Variants in SLC25A26 observed in about 807,000 individuals in gnomAD.
The protein encoded by SLC25A26 is mitochondrial S-adenosylmethionine carrier protein.
A neutral mutation model predicts 37.8 loss-of-function variants in SLC25A26; 36 were observed. The ratio of observed to expected loss-of-function variants is 0.95; its 90% CI spans 0.73 to 1.26. The LOEUF (loss-of-function observed/expected upper bound fraction) is 1.26, where lower values mean the gene tolerates loss of function less well. Among genes scored for constraint, SLC25A26 ranks in the 50% most tolerant of loss-of-function variants. SLC25A26 has a pLI of 0.00. For missense variants in SLC25A26, 390 were observed against 331.1 expected (o/e 1.18, Z -1.38); for synonymous variants, 129 against 122.5 (o/e 1.05, Z -0.35).
chr3:66,332,827 C>A (rs547846789), intron 5 of SLC25A26, among the ~76,000 whole-genome samples: 1 of 152,320 alleles, frequency 6.6e-6, no homozygotes, highest in South Asian at 2.1e-4. Flanking sequence ...GCTCTTGTCT[C>A]TCCTGTCCTT....
At chr3:66,199,450 C>A (rs1259989071) in intron 1 of SLC25A26, among the ~76,000 whole-genome samples, 2 of 152,068 alleles carry the variant, frequency 1.3e-5, no homozygotes, top group African/African-American at 4.8e-5. Context: ...CACTGACTTT[C>A]AGCCTCCTTT....
intron 5 of SLC25A26, among the ~76,000 whole-genome samples, chr3:66,274,051 G>T (rs548807354): frequency 1.3e-5 from 2 of 152,196 alleles, no homozygotes; most frequent in East Asian, 3.9e-4. Context: ...CCAAAACAGA[G>T]ATATAGATCA....
intron 5 of SLC25A26, chr3:66,304,507 G>A (rs1311972395): frequency 4.6e-6 from 2 of 435,962 alleles, no homozygotes; most frequent in Non-Finnish European, 8.8e-6. Flanking sequence ...GTGAGTTGTT[G>A]TGTGTGGCTT....
At chr3:66,191,239 C>CA (rs1281089899) in intron 1 of SLC25A26, among the ~76,000 whole-genome samples, 6 of 152,218 alleles carry the variant, frequency 3.9e-5, no homozygotes, top group African/African-American at 1.4e-4. Context: ...TACAAAAATA[C>CA]AAAAAACTAG....
At chr3:66,368,633 A>C (rs538275744) in intron 7 of SLC25A26, among the ~76,000 whole-genome samples, 21 of 152,340 alleles carry the variant, frequency 1.4e-4, no homozygotes, top group African/African-American at 5.1e-4. Context: ...ATGTATACCC[A>C]AAATCCCCAC....
intron 1 of SLC25A26, among the ~76,000 whole-genome samples, chr3:66,190,498 G>A (rs1220870892): frequency 9.9e-5 from 15 of 151,982 alleles, no homozygotes; most frequent in African/African-American, 1.7e-4. Context: ...GCACAGTCTC[G>A]GCTCACTACA....
At chr3:66,160,341 T>A (rs949416810) in intron 1 of SLC25A26, among the ~76,000 whole-genome samples, 1 of 152,178 alleles carries the variant, frequency 6.6e-6, no homozygotes, top group Non-Finnish European at 1.5e-5. Context: ...TCAAATCAGT[T>A]CTGTCCCCCA....
chr3:66,375,578 A>G (rs1391919038), intron 9 of SLC25A26, among the ~76,000 whole-genome samples: 1 of 152,218 alleles, frequency 6.6e-6, no homozygotes, highest in Non-Finnish European at 1.5e-5. Context: ...AATGGTGCTA[A>G]ATCGACTCTG....
chr3:66,136,407 T>G (rs777012827), intron 1 of SLC25A26, among the ~76,000 whole-genome samples: 1 of 152,226 alleles, frequency 6.6e-6, no homozygotes, highest in African/African-American at 2.4e-5. Flanking sequence ...TCACTCTCCA[T>G]TGGCCTATAG....
At chr3:66,342,420 G>C (rs2076230093) in intron 5 of SLC25A26, among the ~76,000 whole-genome samples, 1 of 151,896 alleles carries the variant, frequency 6.6e-6, no homozygotes, top group African/African-American at 2.4e-5. Flanking sequence ...AAAATATATT[G>C]GTATTGTAAT....
At chr3:66,241,120 C>G (rs930719061) in intron 2 of SLC25A26, among the ~76,000 whole-genome samples, 4 of 150,622 alleles carry the variant, frequency 2.7e-5, no homozygotes, top group Admixed American at 6.6e-5. Context: ...TCACGAATCT[C>G]CAAAAATTTT....
intron 3 of SLC25A26, among the ~76,000 whole-genome samples, chr3:66,252,141 T>C (rs1165285803): frequency 6.6e-6 from 1 of 152,204 alleles, no homozygotes; most frequent in Non-Finnish European, 1.5e-5. Flanking sequence ...GAGGTTAGGA[T>C]TGGCCACTTC....
intron 5 of SLC25A26, among the ~76,000 whole-genome samples, chr3:66,268,190 G>A (rs763527581): frequency 1.3e-5 from 2 of 152,188 alleles, no homozygotes; most frequent in Non-Finnish European, 2.9e-5. Flanking sequence ...CCAGTTGGTG[G>A]ACATTACAGA....
At chr3:66,249,118 A>T (rs1039910568) in intron 3 of SLC25A26, among the ~76,000 whole-genome samples, 1 of 152,202 alleles carries the variant, frequency 6.6e-6, no homozygotes, top group African/African-American at 2.4e-5. Flanking sequence ...TCAAAATGAC[A>T]TATTTTAGAC....
chr3:66,307,797 A>G (rs183694603), intron 5 of SLC25A26, among the ~76,000 whole-genome samples: 1 of 152,128 alleles, frequency 6.6e-6, no homozygotes, highest in Non-Finnish European at 1.5e-5. Context: ...TTTGTCAAAG[A>G]GCAGATGGTT....
At chr3:66,216,261 A>T (rs1181891428), upstream of SLC25A26, among the ~76,000 whole-genome samples, 1 of 152,150 alleles carries the variant, frequency 6.6e-6, no homozygotes, top group Non-Finnish European at 1.5e-5. Context: ...AGTGGCTCCC[A>T]CTTATAATTC....
At chr3:66,244,824 A>C (rs1223427108) in intron 3 of SLC25A26, among the ~76,000 whole-genome samples, 1 of 151,946 alleles carries the variant, frequency 6.6e-6, no homozygotes, top group Non-Finnish European at 1.5e-5. Flanking sequence ...TACAAAAAAA[A>C]AAATTAGCCG....
rs531408226 is a variant in SLC25A26 at position 66,356,908 on chromosome 3, G to C, written c.499-5952G>C. 3.3e-5 allele frequency among the ~76,000 whole-genome samples: 5 copies of C among 152,084 alleles called. No individual in the cohort carries two copies. The East Asian group carries it at 9.7e-4, about 29-fold the overall frequency. The stretch of plus-strand genomic sequence containing the variant: ...ACTCCAGCAAGTGCTAGGATTATAG[G>C]CACGAGCCGCTGCACTCGGTGGAAT... On this transcript the variant is annotated intron_variant, in intron 6 of 9. Coordinates refer to ENST00000354883, the MANE Select transcript of SLC25A26 (RefSeq NM_001379210.1).
At chr3:66,367,662 C>G (rs1235546738) in intron 7 of SLC25A26, among the ~76,000 whole-genome samples, 2 of 150,892 alleles carry the variant, frequency 1.3e-5, no homozygotes, top group African/African-American at 2.5e-5. Context: ...TTCTTCCTTT[C>G]TTGGGGGAGA....
Sources: allele counts gnomAD v4.1 joint callset (sites outside exome capture counted in the v4.1 genomes callset), GRCh38; gene constraint gnomAD v4.1.1; transcripts MANE v1.5; gene names NCBI Gene and HGNC (gene_info 2026-07-23, HGNC 2026-07-21).